SNTG2: variants seen among roughly 807,000 people sequenced by gnomAD.
SNTG2 encodes syntrophin gamma 2.
A neutral mutation model predicts 70.9 loss-of-function variants in SNTG2; 74 were observed. That is an observed-to-expected ratio of 1.04 (90% CI 0.86 to 1.27). SNTG2 has a LOEUF of 1.27. SNTG2 is among the 50% of genes most tolerant of loss of function. SNTG2 has a pLI of 0.00. For synonymous variants in SNTG2, 278 were observed against 273.8 expected (o/e 1.02, Z -0.15); for missense variants, 717 against 690.7 (o/e 1.04, Z -0.43).
At chr2:1,046,746 T>C (rs868743185) in intron 1 of SNTG2, among the ~76,000 whole-genome samples, 9 of 152,160 alleles carry the variant, frequency 5.9e-5, no homozygotes, top group Admixed American at 6.5e-5. Context: ...GATGAGATTC[T>C]CTTTGTAGGG....
rs1299299731 is a variant in SNTG2, at chr2:1,233,740, G to T, written c.720-4148G>T. Among the ~76,000 whole-genome samples the T allele has an allele frequency of 2.0e-5, 3 of 152,216 alleles. No homozygotes were observed. The East Asian group carries it at 5.8e-4, about 29-fold the overall frequency. On this transcript the variant is annotated intron_variant, in intron 9 of 16. Coordinates refer to ENST00000308624, the MANE Select transcript of SNTG2 (RefSeq NM_018968.4). ...AAAAACTGAATTGATTCACTTTCTA[G>T]AGTATAAGTCTATTTTCAGTTTTCT...
intron 14 of SNTG2, among the ~76,000 whole-genome samples, chr2:1,284,605 G>A (rs1167603368): frequency 3.3e-5 from 5 of 151,968 alleles, no homozygotes; most frequent in Admixed American, 6.6e-5. Context: ...TTGCATATGG[G>A]GCCCTAAAGG....
At chr2:1,032,211 G>A (rs908524721) in intron 1 of SNTG2, among the ~76,000 whole-genome samples, 8 of 152,188 alleles carry the variant, frequency 5.3e-5, no homozygotes, top group African/African-American at 1.9e-4. Flanking sequence ...ACGGGAGCAC[G>A]GCGCCTCATG....
rs550937298 is a variant in SNTG2 at position 956,260 on chromosome 2, T to C, written c.72+5192T>C. On this transcript the variant is annotated intron_variant, in intron 1 of 16. Coordinates refer to ENST00000308624, the MANE Select transcript of SNTG2 (RefSeq NM_018968.4). ...CCCTGCCCCGCCCCGCCCCTGCGCC[T>C]CCCCCTGCCCTGCCCCTGCACCTCC... Among the ~76,000 whole-genome samples the C allele has an allele frequency of 6.3e-3, 530 of 83,580 alleles. 15 individuals are homozygous for C. Among genetic ancestry groups the C allele is most frequent in the African/African-American group, 0.027 (501 of 18,662 alleles). The allele number at this position is 83,580 out of a possible 152,430, so 54.8% of individuals were successfully genotyped here. A position where few individuals can be genotyped will look rare whatever the true frequency, so the allele number is the denominator to read the frequency against.
intron 6 of SNTG2, among the ~76,000 whole-genome samples, chr2:1,140,429 A>T (rs1004667902): frequency 6.6e-6 from 1 of 152,140 alleles, no homozygotes; most frequent in Non-Finnish European, 1.5e-5. Context: ...GAGATCGATG[A>T]CGGCTGTCAC....
At chr2:1,173,666 C>T (rs1038918545) in intron 8 of SNTG2, among the ~76,000 whole-genome samples, 1 of 152,262 alleles carries the variant, frequency 6.6e-6, no homozygotes, top group African/African-American at 2.4e-5. Flanking sequence ...ACATGGGGCT[C>T]CCGCCCTCCT....
intron 14 of SNTG2, among the ~76,000 whole-genome samples, chr2:1,277,726 T>C (rs1286911421): frequency 6.6e-6 from 1 of 152,228 alleles, no homozygotes; most frequent in Admixed American, 6.5e-5. Context: ...TTCCACGTGA[T>C]GCCAGGGAAG....
chr2:1,234,235 T>C (rs1676458334), intron 9 of SNTG2, among the ~76,000 whole-genome samples: 1 of 152,146 alleles, frequency 6.6e-6, no homozygotes, highest in Non-Finnish European at 1.5e-5. Context: ...GAAAGCAGAT[T>C]GCGTGACTTA....
At position 1,262,633 on chromosome 2, in the gene SNTG2, A is replaced by G. The variant is rs1175392810; in HGVS notation, c.1077+3192A>G. On this transcript the variant is annotated intron_variant, in intron 13 of 16. Coordinates refer to ENST00000308624, the MANE Select transcript of SNTG2 (RefSeq NM_018968.4). Reference sequence around the variant, plus strand: ...GGCTCAGTCCAGACGAGGAAACCCAAAGGCTCAGTCCAGACGTAGTAACCG... The same window carrying G: ...GGCTCAGTCCAGACGAGGAAACCCAGAGGCTCAGTCCAGACGTAGTAACCG... Among the ~76,000 whole-genome samples the G allele has an allele frequency of 2.0e-5, 3 of 152,238 alleles. 1 individual carries two copies. The highest frequency in any genetic ancestry group is 6.5e-5 in the Admixed American group (1 of 15,294).
intron 1 of SNTG2, among the ~76,000 whole-genome samples, chr2:983,498 A>G (rs2147969954): frequency 6.6e-6 from 1 of 152,290 alleles, no homozygotes; most frequent in South Asian, 2.1e-4. Flanking sequence ...TGCCTCCTGC[A>G]TGACTTTCAG....
At chr2:1,347,473 A>C (rs1453716999) in intron 16 of SNTG2, among the ~76,000 whole-genome samples, 1 of 152,200 alleles carries the variant, frequency 6.6e-6, no homozygotes, top group South Asian at 2.1e-4. Context: ...TTTTGAAAGC[A>C]CTAGTTTACA....
chr2:1,019,694 T>G (rs113392131), intron 1 of SNTG2, among the ~76,000 whole-genome samples: 17 of 152,220 alleles, frequency 1.1e-4, no homozygotes. Flanking sequence ...TTAGGCAGTT[T>G]TAGCTGAGGG....
chr2:1,037,286 A>G (rs1661185910), intron 1 of SNTG2, among the ~76,000 whole-genome samples: 1 of 152,164 alleles, frequency 6.6e-6, no homozygotes, highest in East Asian at 1.9e-4. Flanking sequence ...ACCCGAGGCT[A>G]TTCCTCACCC....
At chr2:1,017,268 C>T (rs1406881247) in intron 1 of SNTG2, among the ~76,000 whole-genome samples, 1 of 152,030 alleles carries the variant, frequency 6.6e-6, no homozygotes, top group African/African-American at 2.4e-5. Flanking sequence ...TCATAAAAGT[C>T]TAAAAACTTC....
chr2:1,347,091 A>G (rs199953088), intron 16 of SNTG2, among the ~76,000 whole-genome samples: 1 of 10,410 alleles, frequency 9.6e-5, no homozygotes, highest in African/African-American at 6.8e-4. Context: ...GGGAAAGAGG[A>G]AAAAAAAAGG....
intron 14 of SNTG2, among the ~76,000 whole-genome samples, chr2:1,277,286 A>C (rs544883223): frequency 6.6e-6 from 1 of 152,330 alleles, no homozygotes; most frequent in African/African-American, 2.4e-5. Flanking sequence ...TCGATGAGGC[A>C]GACTTCATTG....
At chr2:1,321,231 A>G (rs1206381154) in intron 16 of SNTG2, among the ~76,000 whole-genome samples, 1 of 152,224 alleles carries the variant, frequency 6.6e-6, no homozygotes, top group East Asian at 1.9e-4. Flanking sequence ...GCAGATGCAT[A>G]CAGAAGTTTC....
At chr2:1,165,385 C>T (rs1438356796) in intron 6 of SNTG2, among the ~76,000 whole-genome samples, 163 bp from the exon 7 acceptor site, 1 of 152,136 alleles carries the variant, frequency 6.6e-6, no homozygotes, top group African/African-American at 2.4e-5. Context: ...GTGATAACCA[C>T]TCTTCTTTAC....
chr2:992,508 T>C (rs1222222635), intron 1 of SNTG2, among the ~76,000 whole-genome samples: 2 of 152,220 alleles, frequency 1.3e-5, no homozygotes, highest in African/African-American at 4.8e-5. Context: ...CAAGAATCTT[T>C]GCAATACAAG....
Sources: gnomAD v4.1 joint callset for allele counts (sites outside exome capture counted in the v4.1 genomes callset) on GRCh38, gnomAD v4.1.1 for gene constraint, MANE v1.5 for transcripts, NCBI Gene and HGNC (gene_info 2026-07-23, HGNC 2026-07-21) for gene names.